FSTL5: variants seen among roughly 807,000 people sequenced by gnomAD.
FSTL5 encodes the protein follistatin like 5, also known as follistatin-related protein 5.
Under a neutral mutation model 89.1 loss-of-function variants are expected in FSTL5, and 62 were observed. The ratio of observed to expected loss-of-function variants is 0.70; its 90% CI spans 0.57 to 0.86. The LOEUF (loss-of-function observed/expected upper bound fraction) is 0.86. FSTL5 is among the 40% of genes least tolerant of loss of function. The pLI, the probability that FSTL5 is intolerant of heterozygous loss-of-function variation, is 0.00. For synonymous variants in FSTL5, 383 were observed against 346.2 expected, an observed-to-expected ratio of 1.11 and a Z score of -1.18; for missense variants, 1,057 against 1,001.6, an observed-to-expected ratio of 1.06 and a Z score of -0.75.
intron 2 of FSTL5, among the ~76,000 whole-genome samples, chr4:162,107,339 C>T (rs1186538997): frequency 2.0e-5 from 3 of 152,088 alleles, no homozygotes; most frequent in African/African-American, 7.2e-5. Flanking sequence ...AATAAAGTAA[C>T]CTAATGTATG....
At chr4:161,395,493 A>G (rs1730966276) in intron 15 of FSTL5, among the ~76,000 whole-genome samples, 1 of 152,120 alleles carries the variant, frequency 6.6e-6, no homozygotes, top group Admixed American at 6.6e-5. Context: ...TAAAATGTTA[A>G]AACTCAATCT....
rs1560868263 is a variant in FSTL5, at chr4:161,385,171, A to G, written c.*576T>C. On this transcript the variant is annotated 3_prime_UTR_variant, in exon 16 of 16. Coordinates refer to ENST00000306100, the MANE Select transcript of FSTL5 (RefSeq NM_020116.5). The stretch of plus-strand genomic sequence containing the variant: ...TTGAGGGTTAAACAAAAGACTGAAG[A>G]CAGGATTTGGTGCAAGAGATGTTTT... 1 of 153,036 alleles carries G rather than the reference A, an allele frequency of 6.5e-6. No homozygotes were observed. The highest frequency in any genetic ancestry group is 1.5e-5 in the Non-Finnish European group (1 of 68,406). 9.5% of individuals were successfully genotyped at this position (153,036 alleles called of 1,614,324 possible).
intron 4 of FSTL5, among the ~76,000 whole-genome samples, chr4:161,776,367 T>G (rs1200937441): frequency 6.6e-6 from 1 of 152,048 alleles, no homozygotes; most frequent in Non-Finnish European, 1.5e-5. Context: ...AGCTGGAAAT[T>G]TATTTCAACG....
chr4:162,024,977 T>C (rs1737225115), intron 3 of FSTL5, among the ~76,000 whole-genome samples: 2 of 152,206 alleles, frequency 1.3e-5, no homozygotes, highest in African/African-American at 2.4e-5. Flanking sequence ...GTCATTATTA[T>C]AACGTCAAAT....
chr4:161,729,378 C>G (rs1017686823), intron 6 of FSTL5, among the ~76,000 whole-genome samples: 9 of 151,986 alleles, frequency 5.9e-5, no homozygotes, highest in Non-Finnish European at 1.3e-4. Context: ...TGTGCGAGAC[C>G]AAAATGCATA....
chr4:161,464,449 T>C (rs1446991803), intron 13 of FSTL5, among the ~76,000 whole-genome samples: 1 of 152,184 alleles, frequency 6.6e-6, no homozygotes, highest in African/African-American at 2.4e-5. Context: ...CCTGTGTGCA[T>C]ACCTCTTCTC....
At chr4:161,615,150 C>G (rs376770029) in intron 7 of FSTL5, among the ~76,000 whole-genome samples, 3 of 151,654 alleles carry the variant, frequency 2.0e-5, no homozygotes, top group Admixed American at 2.0e-4. Context: ...AAAAATTAGC[C>G]GGGTGTGGAA....
intron 4 of FSTL5, among the ~76,000 whole-genome samples, chr4:161,903,068 C>A (rs991222941): frequency 1.3e-5 from 2 of 152,166 alleles, no homozygotes; most frequent in Non-Finnish European, 2.9e-5. Flanking sequence ...TATTAAACAT[C>A]TTTTCAAGAC....
chr4:162,085,585 ACGTAT>A (rs1730284439), intron 2 of FSTL5, among the ~76,000 whole-genome samples: 1 of 152,134 alleles, frequency 6.6e-6, no homozygotes, highest in Admixed American at 6.6e-5. Flanking sequence ...AGCATCCAAT[ACGTAT>A]CTGGTGCACA....
At chr4:161,550,728 C>T (rs1030862471) in intron 8 of FSTL5, among the ~76,000 whole-genome samples, 1 of 151,836 alleles carries the variant, frequency 6.6e-6, no homozygotes, top group Admixed American at 6.6e-5. Flanking sequence ...TGCTATCCCT[C>T]CCCCATCCCC....
At chr4:161,795,693 G>A (rs1729612622) in intron 4 of FSTL5, among the ~76,000 whole-genome samples, 1 of 151,980 alleles carries the variant, frequency 6.6e-6, no homozygotes, top group African/African-American at 2.4e-5. Flanking sequence ...GGTTTACCCA[G>A]CACTATTTGT....
intron 1 of FSTL5, among the ~76,000 whole-genome samples, chr4:162,130,579 G>C (rs1333066108): frequency 6.6e-6 from 1 of 152,102 alleles, no homozygotes; most frequent in African/African-American, 2.4e-5. Flanking sequence ...TTAGGGCAAA[G>C]AAAACTGTAG....
At chr4:161,988,019 A>G (rs538421648) in intron 3 of FSTL5, among the ~76,000 whole-genome samples, 1 of 152,016 alleles carries the variant, frequency 6.6e-6, no homozygotes, top group East Asian at 1.9e-4. Flanking sequence ...AAAAAAAAAT[A>G]CAAATTTTAT....
intron 1 of FSTL5, among the ~76,000 whole-genome samples, chr4:162,143,412 AT>A (rs1732826602): frequency 6.6e-6 from 1 of 152,124 alleles, no homozygotes; most frequent in South Asian, 2.1e-4. Context: ...TTCTTACATA[AT>A]TTAAAGCTGA....
At position 161,691,201 on chromosome 4, in the gene FSTL5, C is replaced by T. The variant is rs28875798; in HGVS notation, c.728-34707G>A. 4.9e-3 allele frequency among the ~76,000 whole-genome samples: 749 copies of T among 152,026 alleles called. 7 individuals are homozygous for T. Among genetic ancestry groups the T allele is most frequent in the African/African-American group, 0.017 (697 of 41,482 alleles). On this transcript the variant is annotated intron_variant, in intron 6 of 15. Transcript: ENST00000306100. ...TTAACTTTATTATTCAGTTCATTCA[C>T]TCATTTTGAGTCAAATTTTGAATAG... is the stretch of plus-strand genomic sequence containing the variant.
chr4:161,386,452 G>GA lies in FSTL5; in HGVS notation c.1842-4dup, dbSNP rs60653065. ...CTTTATGAAGAATAAATCCAAACCT[G>GA]AAAAAAATGAAAATCAGAGTTAGAC... On this transcript the variant is annotated splice_region_variant and splice_polypyrimidine_tract_variant and intron_variant, in intron 15 of 15. Coordinates refer to ENST00000306100, the MANE Select transcript of FSTL5 (RefSeq NM_020116.5). 2 of 1,576,260 alleles carry GA rather than the reference G, an allele frequency of 1.3e-6. No homozygotes were observed. Among genetic ancestry groups the GA allele is most frequent in the African/African-American group, 1.4e-5 (1 of 73,260 alleles).
At chr4:161,907,236 A>G (rs1733563844) in intron 4 of FSTL5, among the ~76,000 whole-genome samples, 1 of 152,102 alleles carries the variant, frequency 6.6e-6, no homozygotes, top group African/African-American at 2.4e-5. Flanking sequence ...GACACTCTCT[A>G]CAAACTTACA....
intron 7 of FSTL5, among the ~76,000 whole-genome samples, chr4:161,591,627 AT>A (rs1157237130): frequency 4.6e-5 from 7 of 152,200 alleles, no homozygotes; most frequent in Non-Finnish European, 2.9e-5. Flanking sequence ...TAATTGACAT[AT>A]TTTTATGAAG....
At chr4:161,532,979 T>C (rs1731471101) in intron 10 of FSTL5, among the ~76,000 whole-genome samples, 2 of 151,818 alleles carry the variant, frequency 1.3e-5, no homozygotes, top group South Asian at 2.1e-4. Flanking sequence ...TGAACAACTC[T>C]TGAGTGAACA....
Sources: gnomAD v4.1 joint callset for allele counts (sites outside exome capture counted in the v4.1 genomes callset) on GRCh38, gnomAD v4.1.1 for gene constraint, MANE v1.5 for transcripts, NCBI Gene and HGNC (gene_info 2026-07-23, HGNC 2026-07-21) for gene names.